The following PTPRK variants were observed in gnomAD, a reference collection of about 807,000 sequenced individuals.
PTPRK encodes the protein protein tyrosine phosphatase receptor type K, also known as receptor-type tyrosine-protein phosphatase kappa.
PTPRK carries 75 observed loss-of-function variants against 178.0 expected under a neutral mutation model. The ratio of observed to expected loss-of-function variants is 0.42; its 90% confidence interval spans 0.35 to 0.51. The LOEUF is 0.51. Ranked by LOEUF, PTPRK falls within the 20% of genes least tolerant of loss-of-function variation. PTPRK has a pLI of 0.02. For missense variants in PTPRK, 1,441 were observed against 1,797.8 expected (o/e 0.80, Z 3.59); for synonymous variants, 637 against 620.6 (o/e 1.03, Z -0.39).
At chr6:128,366,294 G>T (rs1835470316) in intron 2 of PTPRK, among the ~76,000 whole-genome samples, 1 of 152,046 alleles carries the variant, frequency 6.6e-6, no homozygotes, top group Non-Finnish European at 1.5e-5. Flanking sequence ...AGTTATTCAA[G>T]AAAGTTTCAA....
At chr6:127,990,495 T>G (rs4113587) in intron 21 of PTPRK, among the ~76,000 whole-genome samples, 71,125 of 151,928 alleles carry the variant, frequency 0.47, 16,726 homozygotes, top group African/African-American at 0.53. Flanking sequence ...TTTCTCTATA[T>G]CACTTGTCAT....
At chr6:128,077,026 A>C (rs1783946359) in intron 11 of PTPRK, among the ~76,000 whole-genome samples, 1 of 152,082 alleles carries the variant, frequency 6.6e-6, no homozygotes, top group Non-Finnish European at 1.5e-5. Context: ...TAGTACAGTG[A>C]TGCAAAAATA....
chr6:128,020,269 T>C (rs1773296084), intron 13 of PTPRK, among the ~76,000 whole-genome samples: 2 of 152,060 alleles, frequency 1.3e-5, no homozygotes, highest in South Asian at 4.1e-4. Context: ...TGAACATTAA[T>C]GGGAAATAAG....
chr6:128,142,350 A>G (rs1177541147), intron 7 of PTPRK, among the ~76,000 whole-genome samples: 2 of 151,982 alleles, frequency 1.3e-5, no homozygotes, highest in Non-Finnish European at 2.9e-5. Flanking sequence ...CACAGGCCAT[A>G]AGATCTTGCA....
chr6:128,332,443 C>A (rs527365193), intron 2 of PTPRK, among the ~76,000 whole-genome samples: 3 of 152,326 alleles, frequency 2.0e-5, no homozygotes, highest in African/African-American at 7.2e-5. Context: ...AGTGCCCACC[C>A]CACTGAGGTC....
intron 1 of PTPRK, among the ~76,000 whole-genome samples, chr6:128,445,530 T>C (rs962902458): frequency 6.6e-6 from 1 of 150,544 alleles, no homozygotes; most frequent in African/African-American, 2.4e-5. Flanking sequence ...AGTATATGTA[T>C]ATATATATAC....
At chr6:128,187,783 T>G (rs1485655870) in intron 6 of PTPRK, among the ~76,000 whole-genome samples, 1 of 152,146 alleles carries the variant, frequency 6.6e-6, no homozygotes, top group Non-Finnish European at 1.5e-5. Flanking sequence ...AAGAGAGGCT[T>G]AAAAGCATAT....
intron 1 of PTPRK, among the ~76,000 whole-genome samples, chr6:128,503,842 T>TTG (rs57723685): frequency 0.14 from 18,927 of 139,742 alleles, 1,468 homozygotes; most frequent in East Asian, 0.42. Context: ...CTGGTTATTA[T>TTG]TGTGTGTGTG....
At chr6:127,991,080 A>G (rs1463717971) in intron 20 of PTPRK, among the ~76,000 whole-genome samples, 195 bp from the exon 21 acceptor site, 1 of 152,030 alleles carries the variant, frequency 6.6e-6, no homozygotes, top group African/African-American at 2.4e-5. Flanking sequence ...TAATGCAGTT[A>G]GATTCCAGTA....
chr6:128,344,252 TG>T (rs1050031702), intron 2 of PTPRK, among the ~76,000 whole-genome samples: 21 of 152,266 alleles, frequency 1.4e-4, no homozygotes, highest in African/African-American at 4.8e-4. Flanking sequence ...ATGTTTCTTA[TG>T]CCATCCTCTC....
intron 7 of PTPRK, among the ~76,000 whole-genome samples, chr6:128,162,789 G>A (rs2114611533): frequency 6.6e-6 from 1 of 151,728 alleles, no homozygotes; most frequent in African/African-American, 2.4e-5. Context: ...AAACAGCAAT[G>A]TGGACATCAA....
At chr6:128,187,061 T>G (rs1342215694) in intron 6 of PTPRK, among the ~76,000 whole-genome samples, 1 of 152,096 alleles carries the variant, frequency 6.6e-6, no homozygotes, top group African/African-American at 2.4e-5. Context: ...ATATGCCAAG[T>G]GAATTATATA....
intron 7 of PTPRK, among the ~76,000 whole-genome samples, chr6:128,182,084 C>A (rs1562740555): frequency 6.6e-6 from 1 of 151,998 alleles, no homozygotes; most frequent in African/African-American, 2.4e-5. Context: ...CTATAATAAA[C>A]ATGTGATAAA....
intron 3 of PTPRK, among the ~76,000 whole-genome samples, chr6:128,297,482 T>A (rs112560686): frequency 0.053 from 7,993 of 151,982 alleles, 700 homozygotes; most frequent in African/African-American, 0.18. Context: ...GAAGTAAAGC[T>A]CTCCTCAGCA....
At chr6:128,321,577 T>C (rs140432480) in intron 3 of PTPRK, 22 of 516,382 alleles carry the variant, frequency 4.3e-5, no homozygotes, top group Non-Finnish European at 6.1e-5. Context: ...CCCCTTAACA[T>C]AGTTCATGAA....
chr6:128,124,292 C>T, intron 7 of PTPRK, among the ~76,000 whole-genome samples: 1 of 152,164 alleles, frequency 6.6e-6, no homozygotes, highest in East Asian at 1.9e-4. Flanking sequence ...AGGTGACCCA[C>T]CCACCACGGC....
chr6:128,011,332 T>C (rs1779027184), intron 13 of PTPRK, among the ~76,000 whole-genome samples: 1 of 151,238 alleles, frequency 6.6e-6, no homozygotes, highest in South Asian at 2.1e-4. Context: ...CTTAGTGATT[T>C]TCTGACATAT....
chr6:128,055,318 T>C (rs1409550239), intron 13 of PTPRK, among the ~76,000 whole-genome samples: 1 of 152,174 alleles, frequency 6.6e-6, no homozygotes, highest in East Asian at 1.9e-4. Context: ...TAGTTTAACC[T>C]GAAAATGATC....
At chr6:128,219,214 T>C in intron 5 of PTPRK, 118 bp from the exon 6 acceptor site, 2 of 954,272 alleles carry the variant, frequency 2.1e-6, no homozygotes, top group Non-Finnish European at 3.0e-6. Context: ...CCACAATTTT[T>C]TTCCATTGTC....
Sources: allele counts gnomAD v4.1 joint callset (sites outside exome capture counted in the v4.1 genomes callset), GRCh38; gene constraint gnomAD v4.1.1; transcripts MANE v1.5; gene names NCBI Gene and HGNC (gene_info 2026-07-23, HGNC 2026-07-21).